The following LGALS12 variants were observed in gnomAD, a reference collection of about 807,000 sequenced individuals.
LGALS12 encodes galectin-12.
In LGALS12, 36 loss-of-function variants were observed where a neutral mutation model predicts 36.8. The ratio of observed to expected loss-of-function variants is 0.98; its 90% CI spans 0.75 to 1.29. LGALS12 has a LOEUF of 1.29. LGALS12 is among the 50% of genes most tolerant of loss of function. The pLI, the probability that LGALS12 is intolerant of heterozygous loss-of-function variation, is 0.00. For synonymous variants in LGALS12, 145 were observed against 155.9 expected (o/e 0.93, Z 0.52); for missense variants, 366 against 394.3 (o/e 0.93, Z 0.61).
intron 1 of LGALS12, chr11:63,508,009 G>A (rs892807024): frequency 2.0e-6 from 2 of 991,324 alleles, no homozygotes; most frequent in African/African-American, 3.5e-5. Flanking sequence ...AGAGTGCTGA[G>A]ATTACAGGCA....
Position 63,509,011 on chromosome 11 carries a change from T to C in LGALS12, c.372+20T>C, listed in dbSNP as rs765452344. The C allele has an allele frequency of 1.9e-6, 3 of 1,592,716 alleles. No individual in the cohort carries two copies. The highest frequency in any genetic ancestry group is 2.6e-6 in the Non-Finnish European group (3 of 1,161,394). On this transcript the variant is annotated intron_variant, in intron 3 of 8. Transcript: ENST00000394618. ...GTGAAGGTGAAGGAAGGGACGGGCA[T>C]TGGGTGGTCTAGAATTTGTGTCCTT...
At chr11:63,514,692 G>C (rs2017027364) in intron 7 of LGALS12, among the ~76,000 whole-genome samples, 1 of 151,564 alleles carries the variant, frequency 6.6e-6, no homozygotes, top group Admixed American at 6.6e-5. Flanking sequence ...CTAACCTAAG[G>C]CCCTACCACT....
intron 3 of LGALS12, 121 bp from the exon 4 acceptor site, chr11:63,509,657 G>A (rs1008935340): frequency 2.1e-6 from 2 of 970,304 alleles, no homozygotes; most frequent in South Asian, 3.1e-5. Flanking sequence ...CTACCTCATA[G>A]AGATGACGTG....
In LGALS12 at chr11:63,516,530, G is replaced by A; in HGVS notation, c.*137G>A. On this transcript the variant is annotated 3_prime_UTR_variant, in exon 9 of 9. Transcript: ENST00000394618. Reference sequence around the variant, plus strand: ...TTCACCTCTGGGGTCACGAGACTGAGTCTACAGGAGCTTTGGGCCTGAGGG... The same window carrying A: ...TTCACCTCTGGGGTCACGAGACTGAATCTACAGGAGCTTTGGGCCTGAGGG... 1 of 1,014,498 alleles carries A rather than the reference G, an allele frequency of 9.9e-7. No individual in the cohort carries two copies. Among genetic ancestry groups the A allele is most frequent in the Non-Finnish European group, 1.5e-6 (1 of 679,728 alleles). 62.8% of individuals were successfully genotyped at this position (1,014,498 alleles called of 1,614,324 possible). A position where few individuals can be genotyped will look rare whatever the true frequency, so the allele number is the denominator to read the frequency against.
chr11:63,514,118 C>G (rs2017007192), intron 7 of LGALS12, among the ~76,000 whole-genome samples: 2 of 152,294 alleles, frequency 1.3e-5, no homozygotes, highest in Non-Finnish European at 2.9e-5. Flanking sequence ...AAGTTGGAAA[C>G]TTACGGGGCC....
rs7103797 is a variant in LGALS12, at chr11:63,516,559, G to T, written c.*166G>T. 4,989 of 757,076 alleles carry T rather than the reference G, an allele frequency of 6.6e-3. 170 individuals are homozygous for T. The African/African-American group carries it at 0.074, about 11-fold the overall frequency. 46.9% of individuals were successfully genotyped at this position (757,076 alleles called of 1,614,324 possible). A position where few individuals can be genotyped will look rare whatever the true frequency, so the allele number is the denominator to read the frequency against. Reference sequence around the variant, plus strand: ...ACAGGAGCTTTGGGCCTGAGGGAAGGCACAAGAGTGCAAAGGTTCCTCGAA... The same window carrying T: ...ACAGGAGCTTTGGGCCTGAGGGAAGTCACAAGAGTGCAAAGGTTCCTCGAA... On this transcript the variant is annotated 3_prime_UTR_variant, in exon 9 of 9. Coordinates refer to ENST00000394618, the MANE Select transcript of LGALS12 (RefSeq NM_033101.4).
Position 63,516,654 on chromosome 11 carries a change from C to T in LGALS12, c.*261C>T. ...GCCTTCAGGGCCTGGACTGCACTCACAGAGGCAAGTGTTGTAGACTAACAA... is the reference window on the plus strand; with the variant it reads ...GCCTTCAGGGCCTGGACTGCACTCATAGAGGCAAGTGTTGTAGACTAACAA... On this transcript the variant is annotated 3_prime_UTR_variant, in exon 9 of 9. Transcript: ENST00000394618. 1.9e-6 allele frequency: 1 copy of T among 521,642 alleles called. No homozygotes were observed. The allele number at this position is 521,642 out of a possible 1,614,324, so 32.3% of individuals were successfully genotyped here.
chr11:63,508,592 G>C lies in LGALS12; in HGVS notation c.109G>C (p.Ala37Pro), dbSNP rs915922172. 1 of 1,614,046 alleles carries C rather than the reference G, an allele frequency of 6.2e-7. No individual in the cohort carries two copies. Among genetic ancestry groups the C allele is most frequent in the African/African-American group, 1.3e-5 (1 of 74,928 alleles). The change falls in exon 2 of 9, where the codon GCA (alanine) becomes CCA (proline). Residue 37 changes from alanine (A) to proline (P), a missense_variant. Transcript: ENST00000394618. ...CACGACGATTTTTGGAGGCCTGCAT[G>C]CAGGCAAGATGGTCATGCTGCAAGG... ...YVTTIFGGLH[A>P]GKMVMLQGVV... is the part of the protein sequence containing the mutation.
intron 3 of LGALS12, 82 bp from the exon 4 acceptor site, chr11:63,509,696 A>G: frequency 2.0e-6 from 3 of 1,510,574 alleles, no homozygotes; most frequent in Admixed American, 3.7e-5. Context: ...TTGAGGAAAA[A>G]GTGCTTGGCA....
At position 63,509,888 on chromosome 11, in the gene LGALS12, G is replaced by C. The variant is rs766799166; in HGVS notation, c.483G>C (p.Leu161=). 52 of 1,613,898 alleles carry C rather than the reference G, an allele frequency of 3.2e-5. No homozygotes were observed. The highest frequency in any genetic ancestry group is 4.2e-5 in the Non-Finnish European group (50 of 1,179,974). ...GDILVEAVGF[L]NINPFVEGSR... is the part of the protein sequence containing the mutation. ...TCCTGGTAGAGGCTGTTGGATTCCTGAACATCAATGTAAGTTTCCTTGGGA... is the reference window on the plus strand; with the variant it reads ...TCCTGGTAGAGGCTGTTGGATTCCTCAACATCAATGTAAGTTTCCTTGGGA... The change falls in exon 4 of 9, where the codon CTG becomes CTC. Residue 161 remains leucine (L), a synonymous_variant. Transcript: ENST00000394618.
chr11:63,511,017 A>T lies in LGALS12; in HGVS notation c.532-62A>T. The T allele has an allele frequency of 2.0e-6, 3 of 1,527,586 alleles. No individual in the cohort carries two copies. In the South Asian group the frequency reaches 3.4e-5, roughly 17 times the overall value. 94.6% of individuals were successfully genotyped at this position (1,527,586 alleles called of 1,614,324 possible). A position where few individuals can be genotyped will look rare whatever the true frequency, so the allele number is the denominator to read the frequency against. On this transcript the variant is annotated intron_variant, in intron 5 of 8. Transcript: ENST00000394618. Reference sequence around the variant, plus strand: ...ATTCCCAATTTGTTAGAATAACAAGAGTTTCCCTTTTCCTGAGCAAATACC... The same window carrying T: ...ATTCCCAATTTGTTAGAATAACAAGTGTTTCCCTTTTCCTGAGCAAATACC...
At chr11:63,511,968 G>C in intron 7 of LGALS12, 128 bp downstream of exon 7, 1 of 730,320 alleles carries the variant, frequency 1.4e-6, no homozygotes, top group Non-Finnish European at 2.4e-6. Flanking sequence ...TGAGGAAACA[G>C]AGGAGCAGAA....
intron 4 of LGALS12, among the ~76,000 whole-genome samples, chr11:63,510,237 T>C (rs2016877820): frequency 6.6e-6 from 1 of 152,210 alleles, no homozygotes; most frequent in Non-Finnish European, 1.5e-5. Context: ...GATGGGCTTA[T>C]TAAAGCCCAG....
chr11:63,506,592 C>A, intron 1 of LGALS12, 65 bp downstream of exon 1: 2 of 1,601,380 alleles, frequency 1.2e-6, no homozygotes, highest in Non-Finnish European at 1.7e-6. Context: ...ACTGGGCCCA[C>A]ACTCCTGGGT....
Position 63,506,226 on chromosome 11 carries a change from A to C in LGALS12, c.-233A>C. ...TGAGTTCTGCTGACAGCCCCCGCCCAGCCAGAGCTCTGCTGTATACCACCG... is the reference window on the plus strand; with the variant it reads ...TGAGTTCTGCTGACAGCCCCCGCCCCGCCAGAGCTCTGCTGTATACCACCG... On this transcript the variant is annotated 5_prime_UTR_variant, in exon 1 of 9. Coordinates refer to ENST00000394618, the MANE Select transcript of LGALS12 (RefSeq NM_033101.4). The C allele has an allele frequency of 1.4e-6, 1 of 689,900 alleles. No homozygotes were observed. The highest frequency in any genetic ancestry group is 2.4e-6 in the Non-Finnish European group (1 of 420,002). The allele number at this position is 689,900 out of a possible 1,614,324, so 42.7% of individuals were successfully genotyped here.
At chr11:63,514,474 G>C (rs1565228737) in intron 7 of LGALS12, among the ~76,000 whole-genome samples, 1 of 152,184 alleles carries the variant, frequency 6.6e-6, no homozygotes, top group Non-Finnish European at 1.5e-5. Context: ...CGGAGGCTGA[G>C]GCAGGAGAAC....
chr11:63,509,879 T>C lies in LGALS12; in HGVS notation c.474T>C (p.Val158=). The C allele has an allele frequency of 6.2e-7, 1 of 1,614,104 alleles. No individual in the cohort carries two copies. The highest frequency in any genetic ancestry group is 8.5e-7 in the Non-Finnish European group (1 of 1,179,980). ...TTGGTGACATCCTGGTAGAGGCTGT[T>C]GGATTCCTGAACATCAATGTAAGTT... ...GIFGDILVEA[V]GFLNINPFVE... The change falls in exon 4 of 9, where the codon GTT becomes GTC. Residue 158 remains valine (V), a synonymous_variant. Coordinates refer to ENST00000394618, the MANE Select transcript of LGALS12 (RefSeq NM_033101.4).
chr11:63,512,614 T>C (rs949631541), intron 7 of LGALS12, among the ~76,000 whole-genome samples: 2 of 151,698 alleles, frequency 1.3e-5, no homozygotes, highest in Admixed American at 6.6e-5. Flanking sequence ...CATGGTGAAA[T>C]CCTGACTCTA....
At position 63,506,095 on chromosome 11, in the gene LGALS12, T is replaced by C. The variant is rs1565223478; in HGVS notation, c.-364T>C. ...TCGAGTTGGAAACCACAAACCCTCG[T>C]TGGCCCCACAGGAGCCAGCCTCTGG... On this transcript the variant is annotated 5_prime_UTR_variant, in exon 1 of 9. Transcript: ENST00000394618. 2 of 347,348 alleles carry C rather than the reference T, an allele frequency of 5.8e-6. No homozygotes were observed. Among genetic ancestry groups the C allele is most frequent in the African/African-American group, 2.1e-5 (1 of 47,358 alleles). 21.5% of individuals were successfully genotyped at this position (347,348 alleles called of 1,614,324 possible).
Sources: allele counts gnomAD v4.1 joint callset (sites outside exome capture counted in the v4.1 genomes callset), GRCh38; gene constraint gnomAD v4.1.1; transcripts MANE v1.5; gene names NCBI Gene and HGNC (gene_info 2026-07-23, HGNC 2026-07-21).